Variants in MBP observed in about 807,000 individuals in gnomAD.
The protein encoded by MBP is Golli-MBP.
MBP carries 16 observed loss-of-function variants against 35.8 expected under a neutral mutation model. That is an observed-to-expected ratio of 0.45 (90% CI 0.30 to 0.68). The LOEUF is 0.68. Among genes scored for constraint, MBP ranks in the 30% least tolerant of loss-of-function variants. The pLI, the probability that MBP is intolerant of heterozygous loss-of-function variation, is 0.08. For synonymous variants in MBP, 143 were observed against 159.6 expected (o/e 0.90, Z 0.78); for missense variants, 380 against 404.7 (o/e 0.94, Z 0.52).
intron 2 of MBP, among the ~76,000 whole-genome samples, chr18:77,094,325 T>G (rs1184773185): frequency 1.3e-5 from 2 of 152,198 alleles, no homozygotes; most frequent in African/African-American, 4.8e-5. Flanking sequence ...ATTCCTCTCT[T>G]TAGGAGCTCA....
At chr18:77,081,271 C>T (rs561190045) in intron 2 of MBP, among the ~76,000 whole-genome samples, 11 of 152,202 alleles carry the variant, frequency 7.2e-5, no homozygotes, top group East Asian at 3.9e-4. Context: ...ACAGACAACC[C>T]GGAGAAGTGG....
chr18:77,100,107 G>A (rs113081345), intron 2 of MBP, among the ~76,000 whole-genome samples: 13 of 152,300 alleles, frequency 8.5e-5, no homozygotes, highest in African/African-American at 2.9e-4. Flanking sequence ...GCCTCACAAC[G>A]TGACTGCATT....
At chr18:77,133,362 TCTC>T (rs1309806543), upstream of MBP, among the ~76,000 whole-genome samples, 6 of 152,066 alleles carry the variant, frequency 3.9e-5, no homozygotes, top group Admixed American at 3.9e-4. Context: ...GGGCGCACCT[TCTC>T]CTGCAGGACC....
At position 77,016,286 on chromosome 18, in the gene MBP, C is replaced by G. The variant is rs776430429; in HGVS notation, c.576+546G>C. 5.1e-6 allele frequency: 5 copies of G among 986,256 alleles called. No homozygotes were observed. In the East Asian group the frequency reaches 4.5e-4, roughly 89 times the overall value. 61.1% of individuals were successfully genotyped at this position (986,256 alleles called of 1,614,324 possible). ...CATAGACACTCATTTATCCCTCCCC[C>G]CTTCCACTTCTCAGACCACAGAGAA... On this transcript the variant is annotated intron_variant, in intron 4 of 8. Coordinates refer to ENST00000355994, the MANE Select transcript of MBP (RefSeq NM_001025101.2).
At chr18:77,069,182 A>G (rs1245196084) in intron 2 of MBP, among the ~76,000 whole-genome samples, 1 of 152,222 alleles carries the variant, frequency 6.6e-6, no homozygotes, top group Non-Finnish European at 1.5e-5. Flanking sequence ...CCTGGCGCCC[A>G]GAGAGAGCTT....
At chr18:76,980,839 C>T (rs112023970) in intron 8 of MBP, 7,793 of 213,380 alleles carry the variant, frequency 0.037, 199 homozygotes, top group Non-Finnish European at 0.05. Flanking sequence ...CCAGGGCAGC[C>T]GAGGGGAACT....
intron 7 of MBP, chr18:76,986,073 C>T (rs377026619): frequency 9.1e-6 from 9 of 985,496 alleles, no homozygotes; most frequent in South Asian, 4.7e-5. Flanking sequence ...AGTCTGGGCG[C>T]GGTGGACGTT....
chr18:77,133,209 G>A (rs1450391028), upstream of MBP, among the ~76,000 whole-genome samples: 1 of 152,208 alleles, frequency 6.6e-6, no homozygotes, highest in Admixed American at 6.5e-5. Context: ...GGCCCTGCAG[G>A]AGGAGAGTCA....
intron 3 of MBP, among the ~76,000 whole-genome samples, chr18:77,060,650 C>T (rs909378325): frequency 2.6e-5 from 4 of 151,980 alleles, no homozygotes; most frequent in South Asian, 2.1e-4. Context: ...GTGGTTTCCC[C>T]GTGTTGGTCA....
chr18:77,105,702 ACT>A (rs1392326961), intron 1 of MBP, among the ~76,000 whole-genome samples: 3 of 152,194 alleles, frequency 2.0e-5, no homozygotes, highest in Admixed American at 6.5e-5. Context: ...AGGTGCTGAC[ACT>A]CTTCTAAAAC....
Position 77,073,148 on chromosome 18 carries a change from A to T in MBP, c.52-6763T>A, listed in dbSNP as rs144996456. ...TCCAATCCAGAAAGTCAAAGATATC[A>T]GGTAGAGGTTAACTGGCTTATTTTT... On this transcript the variant is annotated intron_variant, in intron 2 of 8. Coordinates refer to ENST00000355994, the MANE Select transcript of MBP (RefSeq NM_001025101.2). 8.5e-5 allele frequency among the ~76,000 whole-genome samples: 13 copies of T among 152,366 alleles called. No homozygotes were observed. In the East Asian group the frequency reaches 2.5e-3, roughly 29 times the overall value.
intron 1 of MBP, among the ~76,000 whole-genome samples, chr18:77,112,190 C>CACACAT (rs1568345472): frequency 6.6e-6 from 1 of 152,016 alleles, no homozygotes; most frequent in Non-Finnish European, 1.5e-5. Context: ...CACACACACA[C>CACACAT]GTGCGCGCGC....
At chr18:77,129,390 C>T (rs532772695) in intron 1 of MBP, among the ~76,000 whole-genome samples, 101 of 152,336 alleles carry the variant, frequency 6.6e-4, no homozygotes, top group African/African-American at 2.4e-3. Flanking sequence ...CAGCTTCAGT[C>T]GGCCGGGGAG....
At chr18:77,023,264 C>T (rs185961805) in intron 3 of MBP, among the ~76,000 whole-genome samples, 3 of 152,198 alleles carry the variant, frequency 2.0e-5, no homozygotes, top group Admixed American at 1.3e-4. Flanking sequence ...GAAACTCAGG[C>T]GTCATGACCT....
In MBP at chr18:77,026,420, C is replaced by T. The variant is rs149183742; in HGVS notation, c.140-9152G>A. Among the ~76,000 whole-genome samples the T allele has an allele frequency of 4.3e-4, 66 of 152,288 alleles. 1 individual carries two copies. The East Asian group carries it at 0.012, about 28-fold the overall frequency. ...CGAATAAAACTAGAATAAAACATAA[C>T]GCAGAAATCACCTTCTCCACGAAGG... On this transcript the variant is annotated intron_variant, in intron 3 of 8. Transcript: ENST00000355994.
At chr18:77,125,965 T>A (rs1308386842) in intron 1 of MBP, among the ~76,000 whole-genome samples, 1 of 151,796 alleles carries the variant, frequency 6.6e-6, no homozygotes, top group East Asian at 1.9e-4. Flanking sequence ...CAGGCCCACA[T>A]GGTTTCACCG....
chr18:77,082,622 G>C (rs72990940), intron 2 of MBP, among the ~76,000 whole-genome samples: 16,022 of 151,908 alleles, frequency 0.11, 1,050 homozygotes, highest in South Asian at 0.17. Flanking sequence ...GACCCAGTGA[G>C]ATGCTGACTG....
At chr18:77,082,043 G>A (rs1180310499) in intron 2 of MBP, among the ~76,000 whole-genome samples, 7 of 151,196 alleles carry the variant, frequency 4.6e-5, no homozygotes, top group African/African-American at 1.5e-4. Context: ...TAGTAGAGAC[G>A]GGGTTTCACT....
At chr18:77,026,662 T>G (rs1972236563) in intron 3 of MBP, among the ~76,000 whole-genome samples, 1 of 152,144 alleles carries the variant, frequency 6.6e-6, no homozygotes, top group South Asian at 2.1e-4. Context: ...GGCTGGAAGT[T>G]TGAGACAACC....
Sources: allele counts gnomAD v4.1 joint callset (sites outside exome capture counted in the v4.1 genomes callset), GRCh38; gene constraint gnomAD v4.1.1; transcripts MANE v1.5; gene names NCBI Gene and HGNC (gene_info 2026-07-23, HGNC 2026-07-21).